Variants in OTOF observed in about 807,000 individuals in gnomAD.
The protein encoded by OTOF is fer-1-like family member 2.
OTOF carries 218 observed loss-of-function variants against 236.8 expected under a neutral mutation model. The ratio of observed to expected loss-of-function variants is 0.92; its 90% CI spans 0.82 to 1.03. The LOEUF is 1.03. Among genes scored for constraint, OTOF ranks in the 50% least tolerant of loss-of-function variants. The probability of loss-of-function intolerance (pLI) is 0.00; values close to 1 mark genes in which losing one functional copy is unlikely to be tolerated. For missense variants in OTOF, 2,590 were observed against 2,694.4 expected (o/e 0.96, Z 0.86); for synonymous variants, 1,041 against 1,072.5 (o/e 0.97, Z 0.57).
chr2:26,504,285 G>A (rs1415011215), intron 5 of OTOF, among the ~76,000 whole-genome samples: 2 of 152,206 alleles, frequency 1.3e-5, no homozygotes, highest in Non-Finnish European at 2.9e-5. Flanking sequence ...GAGGACTGGA[G>A]ACAGAGCATC....
intron 1 of OTOF, among the ~76,000 whole-genome samples, chr2:26,544,906 T>G: frequency 6.6e-6 from 1 of 151,600 alleles, no homozygotes; most frequent in African/African-American, 2.4e-5. Flanking sequence ...CCAGGCGTGG[T>G]GGTGCGAACC....
rs776022904 is a variant in OTOF at position 26,477,046 on chromosome 2, G to C, written c.2524-3C>G. On this transcript the variant is annotated splice_polypyrimidine_tract_variant and splice_region_variant and intron_variant, in intron 21 of 46. Transcript: ENST00000272371. The surrounding 1 kb of genome is among the most constrained non-coding windows in gnomAD (Gnocchi z 4.7). ...ATGTCGGGAATGCTGTGCTGGGGCT[G>C]GGGGTTGGGGGGTGGCCAGGGGCAG... 1.3e-6 allele frequency: 2 copies of C among 1,557,972 alleles called. No homozygotes were observed. Among genetic ancestry groups the C allele is most frequent in the Non-Finnish European group, 8.7e-7 (1 of 1,148,490 alleles).
At chr2:26,508,775 C>T (rs1177680563) in intron 5 of OTOF, among the ~76,000 whole-genome samples, 2 of 152,226 alleles carry the variant, frequency 1.3e-5, no homozygotes, top group Non-Finnish European at 2.9e-5. Flanking sequence ...TACCAACCAG[C>T]TTTGCCACAC....
In OTOF at chr2:26,473,202, A is replaced by C. The variant is rs764819016; in HGVS notation, c.3663T>G (p.His1221Gln). Reference sequence around the variant, plus strand: ...TGAAGCGTCGCAGGGAGCTGACGGCATGGGAGCCCACCAGTGTGTAGCGAC... The same window carrying C: ...TGAAGCGTCGCAGGGAGCTGACGGCCTGGGAGCCCACCAGTGTGTAGCGAC... ...AFGRYTLVGS[H>Q]AVSSLRRFIY... Residue 1221 changes from histidine (H) to glutamine (Q), a missense_variant, in exon 29 of 47, where the codon CAT (histidine) becomes CAG (glutamine). Physicochemically the swap from His to Gln is conservative, Grantham distance 24 (BLOSUM62 0). Around this residue, in one of 2 missense-constraint regions of OTOF, gnomAD observed 1,211 missense variants for 1,352.8 expected, o/e 0.90. Coordinates refer to ENST00000272371, the MANE Select transcript of OTOF (RefSeq NM_194248.3). This position sits in a 1 kb window ranked among gnomAD's most constrained non-coding sequence, Gnocchi z 7.2. The C allele has an allele frequency of 3.7e-6, 6 of 1,613,152 alleles. No individual in the cohort carries two copies. The highest frequency in any genetic ancestry group is 5.1e-6 in the Non-Finnish European group (6 of 1,179,992).
Position 26,503,765 on chromosome 2 carries a change from G to A in OTOF, c.583+7C>T. 6.2e-7 allele frequency: 1 copy of A among 1,612,754 alleles called. No individual in the cohort carries two copies. Among genetic ancestry groups the A allele is most frequent in the Non-Finnish European group, 8.5e-7 (1 of 1,178,780 alleles). On this transcript the variant is annotated splice_region_variant and intron_variant, in intron 6 of 46. Coordinates refer to ENST00000272371, the MANE Select transcript of OTOF (RefSeq NM_194248.3). ...GGGCTGCGGGGCTCACGCGGCACCT[G>A]TCCTACCTGGTCTTTGGGGCTCCTC... is the stretch of plus-strand genomic sequence containing the variant.
chr2:26,558,686 AC>A lies in OTOF; in HGVS notation c.-116del. On this transcript the variant is annotated 5_prime_UTR_variant, in exon 1 of 47. Coordinates refer to ENST00000272371, the MANE Select transcript of OTOF (RefSeq NM_194248.3). ...CCGCTGCCTCCTCCTCCTCCTCCCGACCCCCCTCCGATGCTGCCCACAGAGA... is the reference window on the plus strand; with the variant it reads ...CCGCTGCCTCCTCCTCCTCCTCCCGACCCCCTCCGATGCTGCCCACAGAGA... 4.5e-6 allele frequency: 4 copies of A among 880,414 alleles called. No individual in the cohort carries two copies. Among genetic ancestry groups the A allele is most frequent in the East Asian group, 2.7e-5 (1 of 37,224 alleles). The allele number at this position is 880,414 out of a possible 1,614,324, so 54.5% of individuals were successfully genotyped here. A position where few individuals can be genotyped will look rare whatever the true frequency, so the allele number is the denominator to read the frequency against.
In OTOF at chr2:26,465,670, A is replaced by G. The variant is rs747539519; in HGVS notation, c.4799+2T>C. The G allele has an allele frequency of 2.7e-5, 44 of 1,614,094 alleles. No homozygotes were observed. The highest frequency in any genetic ancestry group is 3.6e-5 in the Non-Finnish European group (43 of 1,180,006). On this transcript the variant is annotated splice_donor_variant, in intron 38 of 46. Coordinates refer to ENST00000272371, the MANE Select transcript of OTOF (RefSeq NM_194248.3). LOFTEE classifies it high-confidence loss of function. ...CCGCCCTCTGCCCCATGCCCCACATACGTGGAGTAGGTCTGGGCGATGCCG... is the reference window on the plus strand; with the variant it reads ...CCGCCCTCTGCCCCATGCCCCACATGCGTGGAGTAGGTCTGGGCGATGCCG...
In OTOF at chr2:26,470,603, G is replaced by A; in HGVS notation, c.4013C>T (p.Thr1338Ile). ...TACCCGAGGTCTCACCTCCTTCATGGTGTCAATGGAGGCAAAGTACTTGGA... is the reference window on the plus strand; with the variant it reads ...TACCCGAGGTCTCACCTCCTTCATGATGTCAATGGAGGCAAAGTACTTGGA... ...WWSKYFASID[T>I]MKEQLRQQEP... Residue 1338 changes from threonine (T) to isoleucine (I), a missense_variant, in exon 32 of 47, where the codon ACC (threonine) becomes ATC (isoleucine). By Grantham distance (89) the Thr-to-Ile change is moderately conservative. This residue lies in a region of OTOF where 1,211 missense variants were observed against 1,352.8 expected (regional missense o/e 0.90). Transcript: ENST00000272371. The surrounding 1 kb of genome is among the most constrained non-coding windows in gnomAD (Gnocchi z 4.3). 6.2e-7 allele frequency: 1 copy of A among 1,614,096 alleles called. No individual in the cohort carries two copies. The highest frequency in any genetic ancestry group is 8.5e-7 in the Non-Finnish European group (1 of 1,179,994).
At chr2:26,554,818 A>T (rs1325957273) in intron 1 of OTOF, among the ~76,000 whole-genome samples, 2 of 152,088 alleles carry the variant, frequency 1.3e-5, no homozygotes, top group African/African-American at 4.8e-5. Flanking sequence ...GTGGAGGGGG[A>T]TGCCCTGCAA....
chr2:26,461,575 A>T lies in OTOF; in HGVS notation c.5533+121T>A. On this transcript the variant is annotated intron_variant, in intron 43 of 46. Transcript: ENST00000272371. The surrounding 1 kb of genome is among the most constrained non-coding windows in gnomAD (Gnocchi z 6.2). The stretch of plus-strand genomic sequence containing the variant: ...ACCCCGTCGGACACCCCTGGCTCTG[A>T]TGGACTGGAAGCAATGACCCCTTGT... 1 of 1,390,924 alleles carries T rather than the reference A, an allele frequency of 7.2e-7. No homozygotes were observed. The highest frequency in any genetic ancestry group is 1.0e-6 in the Non-Finnish European group (1 of 1,003,746). 86.2% of individuals were successfully genotyped at this position (1,390,924 alleles called of 1,614,324 possible). A position where few individuals can be genotyped will look rare whatever the true frequency, so the allele number is the denominator to read the frequency against.
intron 1 of OTOF, 77 bp from the exon 2 acceptor site, chr2:26,537,851 G>C: frequency 1.8e-6 from 2 of 1,081,594 alleles, no homozygotes. Context: ...TCCTCATCCT[G>C]GGAGTCGTCC....
intron 3 of OTOF, among the ~76,000 whole-genome samples, chr2:26,527,289 A>G (rs764821504): frequency 1.1e-4 from 17 of 152,258 alleles, no homozygotes; most frequent in Non-Finnish European, 2.2e-4. Context: ...TGAGGTAAAT[A>G]CTTGTCCTTT....
chr2:26,548,845 T>C (rs553134924), intron 1 of OTOF, among the ~76,000 whole-genome samples: 1 of 152,340 alleles, frequency 6.6e-6, no homozygotes, highest in East Asian at 1.9e-4. Flanking sequence ...ACACAATCGC[T>C]TAATGATGCA....
At chr2:26,522,986 C>T (rs1558513761) in intron 3 of OTOF, among the ~76,000 whole-genome samples, 1 of 152,254 alleles carries the variant, frequency 6.6e-6, no homozygotes, top group East Asian at 1.9e-4. Context: ...GAAAAGGCCT[C>T]CAGCCCAGAT....
rs539987834 is a variant in OTOF, at chr2:26,471,814, CCACATGCA to C, written c.3865-672_3865-665del. Among the ~76,000 whole-genome samples the C allele has an allele frequency of 5.7e-3, 865 of 152,246 alleles. 10 individuals are homozygous for C. The highest frequency in any genetic ancestry group is 0.019 in the African/African-American group (779 of 41,514). The stretch of plus-strand genomic sequence containing the variant: ...GCATGCACACATATATGCACATACA[CCACATGCA>C]CACATGCACACATGCACATTTACAT... On this transcript the variant is annotated intron_variant, in intron 30 of 46. Coordinates refer to ENST00000272371, the MANE Select transcript of OTOF (RefSeq NM_194248.3).
Position 26,477,821 on chromosome 2 carries a change from T to G in OTOF, c.2215-72A>C. 6.3e-7 allele frequency: 1 copy of G among 1,591,846 alleles called. No individual in the cohort carries two copies. The highest frequency in any genetic ancestry group is 2.3e-5 in the East Asian group (1 of 43,664). On this transcript the variant is annotated intron_variant, in intron 18 of 46. Transcript: ENST00000272371. The surrounding 1 kb of genome is among the most constrained non-coding windows in gnomAD (Gnocchi z 4.7). ...CCAGCCTCCCCAAATGCCTCCTCCC[T>G]GTTGATCAGGGGAGTGAGGGACCTC...
At chr2:26,545,027 C>T (rs941307342) in intron 1 of OTOF, among the ~76,000 whole-genome samples, 7 of 133,302 alleles carry the variant, frequency 5.3e-5, no homozygotes, top group South Asian at 5.1e-4. Context: ...GGTGACAGAA[C>T]GAGATGCCAT....
chr2:26,484,415 C>G, intron 12 of OTOF, 59 bp downstream of exon 12: 1 of 1,592,292 alleles, frequency 6.3e-7, no homozygotes, highest in East Asian at 2.2e-5. Context: ...TCACCGGGGG[C>G]TCCCTGGGGG....
intron 6 of OTOF, among the ~76,000 whole-genome samples, chr2:26,502,758 T>C (rs544577942): frequency 6.6e-6 from 1 of 152,180 alleles, no homozygotes; most frequent in African/African-American, 2.4e-5. Context: ...TAGCTACCAT[T>C]TGTTGGGTGG....
Sources: allele counts gnomAD v4.1 joint callset (sites outside exome capture counted in the v4.1 genomes callset), GRCh38; gene constraint gnomAD v4.1.1; regional missense constraint gnomAD v4.1.1; non-coding constraint Gnocchi (gnomAD v3.1); transcripts MANE v1.5; gene names NCBI Gene and HGNC (gene_info 2026-07-23, HGNC 2026-07-21).